LRRC28: variants seen among roughly 807,000 people sequenced by gnomAD.
LRRC28 encodes leucine rich repeat containing 28, also known as leucine-rich repeat-containing protein 28.
Under a neutral mutation model 45.7 loss-of-function variants are expected in LRRC28, and 39 were observed. The ratio of observed to expected loss-of-function variants is 0.85; its 90% CI spans 0.66 to 1.12. LRRC28 has a LOEUF of 1.12. Ranked by LOEUF, LRRC28 falls within the 50% of genes most tolerant of loss-of-function variation. The pLI, the probability that LRRC28 is intolerant of heterozygous loss-of-function variation, is 0.00. For synonymous variants in LRRC28, 206 were observed against 178.8 expected (o/e 1.15, Z -1.22); for missense variants, 435 against 438.5 (o/e 0.99, Z 0.07).
intron 5 of LRRC28, among the ~76,000 whole-genome samples, chr15:99,318,334 A>G (rs776794707): frequency 6.6e-6 from 1 of 152,268 alleles, no homozygotes; most frequent in Non-Finnish European, 1.5e-5. Context: ...AGTAAATACA[A>G]CTAATAAATA....
At chr15:99,300,456 A>T (rs1007887988) in intron 5 of LRRC28, among the ~76,000 whole-genome samples, 1 of 152,006 alleles carries the variant, frequency 6.6e-6, no homozygotes. Flanking sequence ...AATACTTATA[A>T]TTTTTTTGTT....
At chr15:99,283,271 A>G (rs1192638791) in intron 3 of LRRC28, among the ~76,000 whole-genome samples, 1 of 151,922 alleles carries the variant, frequency 6.6e-6, no homozygotes, top group East Asian at 1.9e-4. Flanking sequence ...AGTATGGGTC[A>G]TACTGGTGTA....
chr15:99,339,847 G>T (rs1288300031), intron 6 of LRRC28, among the ~76,000 whole-genome samples: 1 of 152,204 alleles, frequency 6.6e-6, no homozygotes, highest in Non-Finnish European at 1.5e-5. Flanking sequence ...TTCTACGAGG[G>T]AAAATTAACT....
chr15:99,369,379 A>C (rs1957420625), intron 9 of LRRC28, among the ~76,000 whole-genome samples: 1 of 152,136 alleles, frequency 6.6e-6, no homozygotes, highest in Non-Finnish European at 1.5e-5. Context: ...TCACATTGAA[A>C]GAGAGAGAAT....
intron 3 of LRRC28, among the ~76,000 whole-genome samples, chr15:99,281,372 C>T (rs540161844): frequency 5.3e-5 from 8 of 152,190 alleles, no homozygotes; most frequent in Admixed American, 1.3e-4. Flanking sequence ...CTGCCTCAGC[C>T]TCCCAAAGCT....
At chr15:99,327,836 T>C (rs1956034061) in intron 5 of LRRC28, among the ~76,000 whole-genome samples, 1 of 152,212 alleles carries the variant, frequency 6.6e-6, no homozygotes, top group African/African-American at 2.4e-5. Context: ...TCTTTTCTAA[T>C]ATAGGCATTC....
chr15:99,260,919 CA>C (rs1343325715), intron 2 of LRRC28, among the ~76,000 whole-genome samples: 6 of 152,050 alleles, frequency 3.9e-5, no homozygotes, highest in African/African-American at 1.2e-4. Context: ...TGTTTCTTAA[CA>C]TTTTTTGTTT....
chr15:99,281,511 A>T (rs748518765), intron 3 of LRRC28, among the ~76,000 whole-genome samples: 2 of 151,978 alleles, frequency 1.3e-5, no homozygotes, highest in Non-Finnish European at 2.9e-5. Flanking sequence ...AGCTGAATAT[A>T]GTTATTATAG....
At chr15:99,251,706 C>T (rs948952606) in intron 1 of LRRC28, 165 bp downstream of exon 1, 6 of 152,274 alleles carry the variant, frequency 3.9e-5, no homozygotes, top group Non-Finnish European at 7.3e-5. Flanking sequence ...GCCGGGTCCT[C>T]CTCCCACTCT....
At chr15:99,330,157 A>G (rs928679168) in intron 5 of LRRC28, among the ~76,000 whole-genome samples, 4 of 152,092 alleles carry the variant, frequency 2.6e-5, no homozygotes, top group East Asian at 1.9e-4. Flanking sequence ...TTTTCATTCA[A>G]ATTTTACACT....
intron 2 of LRRC28, among the ~76,000 whole-genome samples, chr15:99,264,872 T>C (rs1402408712): frequency 6.6e-6 from 1 of 152,176 alleles, no homozygotes; most frequent in African/African-American, 2.4e-5. Flanking sequence ...TTCCTAAGAA[T>C]GGGCTCCAGA....
chr15:99,383,996 A>G (rs1011374098), intron 9 of LRRC28, among the ~76,000 whole-genome samples: 9 of 152,154 alleles, frequency 5.9e-5, no homozygotes, highest in African/African-American at 1.9e-4. Flanking sequence ...TTGCTGGCCA[A>G]TGTACTTAGA....
intron 5 of LRRC28, among the ~76,000 whole-genome samples, chr15:99,325,186 G>A (rs1008435439): frequency 1.3e-5 from 2 of 151,674 alleles, no homozygotes; most frequent in African/African-American, 4.8e-5. Context: ...AATTTTTTTT[G>A]GTGCTGTTGT....
intron 6 of LRRC28, 86 bp downstream of exon 6, chr15:99,334,215 C>T (rs1043287142): frequency 6.9e-7 from 1 of 1,455,004 alleles, no homozygotes; most frequent in African/African-American, 1.4e-5. Flanking sequence ...AGTTAGTTTC[C>T]TTCCTTCTGT....
intron 2 of LRRC28, chr15:99,259,474 T>C (rs1001115158): frequency 1.9e-5 from 22 of 1,171,844 alleles, no homozygotes; most frequent in Middle Eastern, 1.9e-4. Flanking sequence ...CTCTGCCCAA[T>C]TGGGTGAAAG....
At chr15:99,366,034 A>C (rs771864680) in intron 9 of LRRC28, among the ~76,000 whole-genome samples, 11 of 152,354 alleles carry the variant, frequency 7.2e-5, no homozygotes, top group Non-Finnish European at 1.3e-4. Flanking sequence ...GGGTCTTACA[A>C]GTTCCATATT....
chr15:99,275,851 G>A (rs1178508043), intron 2 of LRRC28, among the ~76,000 whole-genome samples: 17 of 152,134 alleles, frequency 1.1e-4, no homozygotes, highest in Admixed American at 1.1e-3. Context: ...CTCTAAGGCA[G>A]GGGTCCCCAA....
At chr15:99,300,441 CAA>C (rs2082367737) in intron 5 of LRRC28, among the ~76,000 whole-genome samples, 1 of 151,900 alleles carries the variant, frequency 6.6e-6, no homozygotes, top group African/African-American at 2.4e-5. Flanking sequence ...ATTGAGTAAT[CAA>C]ATAATACTTA....
chr15:99,257,920 A>C, intron 2 of LRRC28: 1 of 770,514 alleles, frequency 1.3e-6, no homozygotes, highest in South Asian at 1.4e-5. Context: ...TATGAAAATA[A>C]AGAGATTTTC....
Sources: allele counts gnomAD v4.1 joint callset (sites outside exome capture counted in the v4.1 genomes callset), GRCh38; gene constraint gnomAD v4.1.1; transcripts MANE v1.5; gene names NCBI Gene and HGNC (gene_info 2026-07-23, HGNC 2026-07-21).